The following ECE1 variants were observed in gnomAD, a reference collection of about 807,000 sequenced individuals.
ECE1 encodes endothelin converting enzyme 1, also known as endothelin-converting enzyme 1.
In ECE1, 35 loss-of-function variants were observed where a neutral mutation model predicts 98.6. The observed-to-expected ratio is 0.35, with a 90% CI of 0.27 to 0.47. The LOEUF (loss-of-function observed/expected upper bound fraction) is 0.47, where lower values mean the gene tolerates loss of function less well. Among genes scored for constraint, ECE1 ranks in the 20% least tolerant of loss-of-function variants. The pLI is 1.00. For missense variants in ECE1, 814 were observed against 1,025.3 expected, an observed-to-expected ratio of 0.79 and a Z score of 2.81; for synonymous variants, 394 against 407.1, an observed-to-expected ratio of 0.97 and a Z score of 0.39.
At chr1:21,324,621 T>C (rs1023859529) in intron 1 of ECE1, among the ~76,000 whole-genome samples, 1 of 150,762 alleles carries the variant, frequency 6.6e-6, no homozygotes, top group African/African-American at 2.4e-5. Context: ...CATTTCAGGG[T>C]TGAAAAAATG....
At chr1:21,270,966 G>A (rs144705064) in intron 4 of ECE1, among the ~76,000 whole-genome samples, 8 of 152,298 alleles carry the variant, frequency 5.3e-5, no homozygotes, top group Admixed American at 3.9e-4. Context: ...GAGAAGGGTC[G>A]TCCTTGAGTT....
At chr1:21,268,900 G>A (rs2098237140) in intron 4 of ECE1, among the ~76,000 whole-genome samples, 1 of 152,238 alleles carries the variant, frequency 6.6e-6, no homozygotes, top group Admixed American at 6.5e-5. Context: ...CCACAGGTGA[G>A]GGGCCATTTC....
chr1:21,288,956 G>A (rs994364973), intron 2 of ECE1, among the ~76,000 whole-genome samples: 1 of 152,150 alleles, frequency 6.6e-6, no homozygotes, highest in Non-Finnish European at 1.5e-5. Context: ...AGAGCCCTTG[G>A]GACTGTGAGT....
chr1:21,304,333 A>G (rs1239838325), intron 1 of ECE1, among the ~76,000 whole-genome samples: 2 of 135,022 alleles, frequency 1.5e-5, no homozygotes, highest in African/African-American at 2.6e-5. Context: ...AAAAAAAAAA[A>G]AAAAAAAAAA....
intron 5 of ECE1, among the ~76,000 whole-genome samples, chr1:21,259,170 T>G (rs1255321667): frequency 1.3e-5 from 2 of 152,152 alleles, no homozygotes; most frequent in South Asian, 4.1e-4. Flanking sequence ...TGTGATTATA[T>G]CAAAACATAA....
intron 10 of ECE1, among the ~76,000 whole-genome samples, chr1:21,239,365 G>A (rs1370889468): frequency 5.3e-5 from 8 of 152,130 alleles, no homozygotes; most frequent in Non-Finnish European, 8.8e-5. Flanking sequence ...TAAATCCCTC[G>A]TACGACAGAG....
chr1:21,234,770 C>T (rs1033205235), intron 13 of ECE1, among the ~76,000 whole-genome samples: 11 of 152,198 alleles, frequency 7.2e-5, no homozygotes, highest in South Asian at 2.1e-4. Context: ...TGAGCCACTG[C>T]GCCTGGCTCA....
intron 1 of ECE1, among the ~76,000 whole-genome samples, chr1:21,318,443 A>T (rs1396248536): frequency 1.3e-5 from 2 of 152,154 alleles, no homozygotes; most frequent in South Asian, 4.1e-4. Flanking sequence ...AACAAAGGTC[A>T]GCCTGGCCTA....
chr1:21,223,994 C>T (rs570670507), intron 17 of ECE1, among the ~76,000 whole-genome samples: 4 of 152,228 alleles, frequency 2.6e-5, no homozygotes, highest in Admixed American at 2.6e-4. Context: ...AACCAAAGGT[C>T]CTTCCTTAGC....
At chr1:21,273,412 C>A (rs932125038) in intron 3 of ECE1, among the ~76,000 whole-genome samples, 1 of 150,764 alleles carries the variant, frequency 6.6e-6, no homozygotes, top group Non-Finnish European at 1.5e-5. Context: ...CATAAAAAGG[C>A]AGAGTCCTTT....
At chr1:21,245,181 G>T in intron 9 of ECE1, 78 bp from the exon 10 acceptor site, 1 of 1,325,948 alleles carries the variant, frequency 7.5e-7, no homozygotes. Flanking sequence ...CTGGCCCCTA[G>T]GGGGCTCTCA....
chr1:21,261,729 G>T (rs1443225456), intron 4 of ECE1, among the ~76,000 whole-genome samples: 5 of 152,224 alleles, frequency 3.3e-5, no homozygotes, highest in Non-Finnish European at 7.3e-5. Flanking sequence ...AACAACGCAC[G>T]TGGCTATGGA....
chr1:21,245,287 G>A (rs1174260589), intron 9 of ECE1, among the ~76,000 whole-genome samples, 184 bp from the exon 10 acceptor site: 2 of 152,216 alleles, frequency 1.3e-5, no homozygotes, highest in Non-Finnish European at 1.5e-5. Context: ...CAAGGGAAAA[G>A]CCTGGGTCTT....
intron 14 of ECE1, among the ~76,000 whole-genome samples, chr1:21,231,107 C>T (rs1236850762): frequency 1.3e-5 from 2 of 151,804 alleles, no homozygotes; most frequent in Non-Finnish European, 2.9e-5. Flanking sequence ...GGATTACAGA[C>T]GTGAGCCACC....
chr1:21,265,518 C>T (rs961895894), intron 4 of ECE1, among the ~76,000 whole-genome samples: 6 of 152,250 alleles, frequency 3.9e-5, no homozygotes, highest in South Asian at 2.1e-4. Flanking sequence ...GGCGACAGAT[C>T]GAGACTTGGT....
At chr1:21,344,577 C>G (rs1231319951) in intron 1 of ECE1, among the ~76,000 whole-genome samples, 1 of 152,168 alleles carries the variant, frequency 6.6e-6, no homozygotes, top group East Asian at 1.9e-4. Flanking sequence ...CAACAGCCCC[C>G]CCCCAGGAAG....
chr1:21,270,024 A>G (rs1191374749), intron 4 of ECE1, among the ~76,000 whole-genome samples: 1 of 152,146 alleles, frequency 6.6e-6, no homozygotes, highest in African/African-American at 2.4e-5. Context: ...CCCAGTGAGA[A>G]CCAGCCCCAG....
Position 21,235,465 on chromosome 1 carries a change from TCCCACTTCATAC to T in ECE1, c.1566+373_1566+384del, listed in dbSNP as rs2098186803. On this transcript the variant is annotated intron_variant, in intron 13 of 18. Coordinates refer to ENST00000374893, the MANE Select transcript of ECE1 (RefSeq NM_001397.3). The surrounding 1 kb of genome is among the most constrained non-coding windows in gnomAD (Gnocchi z 4.2). ...GAGGGAGGAGGTGGTGTGGGGGTTTTCCCACTTCATACCCCACCCCTGATGTCTGAGGGCCAC... is the reference window on the plus strand; with the variant it reads ...GAGGGAGGAGGTGGTGTGGGGGTTTTCCCACCCCTGATGTCTGAGGGCCAC... Among the ~76,000 whole-genome samples the T allele has an allele frequency of 6.6e-6, 1 of 151,900 alleles. No individual in the cohort carries two copies. The highest frequency in any genetic ancestry group is 2.4e-5 in the African/African-American group (1 of 41,196).
rs1638636289 is a variant in ECE1, at chr1:21,307,986, G to A, written c.4-17830C>T. On this transcript the variant is annotated intron_variant, in intron 1 of 18. Transcript: ENST00000415912. The surrounding 1 kb of genome is among the most constrained non-coding windows in gnomAD (Gnocchi z 4.2). The stretch of plus-strand genomic sequence containing the variant: ...CACGCCTTCTGGATCCCCCCAGAAG[G>A]TCTAGAATGGGGTCACCCCTCAAAA... Among the ~76,000 whole-genome samples the A allele has an allele frequency of 6.6e-6, 1 of 152,148 alleles. No homozygotes were observed. Among genetic ancestry groups the A allele is most frequent in the Admixed American group, 6.5e-5 (1 of 15,276 alleles).
Sources: gnomAD v4.1 joint callset for allele counts (sites outside exome capture counted in the v4.1 genomes callset) on GRCh38, gnomAD v4.1.1 for gene constraint, Gnocchi (gnomAD v3.1) non-coding constraint, MANE v1.5 for transcripts, NCBI Gene and HGNC (gene_info 2026-07-23, HGNC 2026-07-21) for gene names.